Variants in ZFYVE28 observed in about 807,000 individuals in gnomAD.
ZFYVE28 encodes lateral signaling target protein 2 homolog.
Under a neutral mutation model 82.1 loss-of-function variants are expected in ZFYVE28, and 40 were observed. That is an observed-to-expected ratio of 0.49 (90% CI 0.38 to 0.63). ZFYVE28 has a LOEUF of 0.63. Ranked by LOEUF, ZFYVE28 falls within the 30% of genes least tolerant of loss-of-function variation. The pLI, the probability that ZFYVE28 is intolerant of heterozygous loss-of-function variation, is 0.00. For missense variants in ZFYVE28, 1,321 were observed against 1,242.1 expected (o/e 1.06, Z -0.96); for synonymous variants, 612 against 546.1 (o/e 1.12, Z -1.68).
intron 1 of ZFYVE28, among the ~76,000 whole-genome samples, chr4:2,359,314 C>T (rs986329819): frequency 6.6e-6 from 1 of 151,960 alleles, no homozygotes; most frequent in Non-Finnish European, 1.5e-5. Context: ...TTTGTAGAGA[C>T]GGGGTCTTGC....
At chr4:2,297,976 G>C (rs985375722) in intron 8 of ZFYVE28, among the ~76,000 whole-genome samples, 3 of 149,540 alleles carry the variant, frequency 2.0e-5, no homozygotes, top group East Asian at 2.0e-4. Flanking sequence ...CGGTGACACA[G>C]TGACACGGCA....
intron 7 of ZFYVE28, among the ~76,000 whole-genome samples, chr4:2,315,345 G>T (rs1718049956): frequency 6.6e-6 from 1 of 152,146 alleles, no homozygotes; most frequent in Non-Finnish European, 1.5e-5. Flanking sequence ...GAAAGCGGTG[G>T]CGTGATCTCT....
At chr4:2,322,907 G>A (rs75537369) in intron 6 of ZFYVE28, among the ~76,000 whole-genome samples, 2,032 of 152,286 alleles carry the variant, frequency 0.013, 50 homozygotes, top group African/African-American at 0.046. Flanking sequence ...GCTGTGGCAC[G>A]TGGCGAATGT....
intron 1 of ZFYVE28, among the ~76,000 whole-genome samples, chr4:2,384,653 G>T (rs56009437): frequency 0.035 from 5,262 of 152,272 alleles, 309 homozygotes; most frequent in African/African-American, 0.12. Context: ...AGGTAGGTGG[G>T]GAGGGAAACA....
chr4:2,347,519 T>C (rs1008413370), intron 2 of ZFYVE28, among the ~76,000 whole-genome samples: 7 of 152,124 alleles, frequency 4.6e-5, no homozygotes, highest in Non-Finnish European at 1.0e-4. Flanking sequence ...TTCTGGGCCA[T>C]GAAACAAGCC....
intron 6 of ZFYVE28, chr4:2,330,451 A>T: frequency 9.4e-7 from 1 of 1,066,952 alleles, no homozygotes; most frequent in Non-Finnish European, 1.1e-6. Context: ...GACAGCACGG[A>T]GGAGGGAACA....
chr4:2,372,263 A>G lies in ZFYVE28; in HGVS notation c.40-18190T>C, dbSNP rs1727643671. Reference sequence around the variant, plus strand: ...GGTGGCGGGGCTGAGTCTGGTTCCGAGAAGGACTCGTGAGGGGGTAGGAAT... The same window carrying G: ...GGTGGCGGGGCTGAGTCTGGTTCCGGGAAGGACTCGTGAGGGGGTAGGAAT... On this transcript the variant is annotated intron_variant, in intron 1 of 12. Coordinates refer to ENST00000290974, the MANE Select transcript of ZFYVE28 (RefSeq NM_020972.3). The surrounding 1 kb of genome is among the most constrained non-coding windows in gnomAD (Gnocchi z 5.2). Among the ~76,000 whole-genome samples, 1 of 152,034 alleles carries G rather than the reference A, an allele frequency of 6.6e-6. No homozygotes were observed. The highest frequency in any genetic ancestry group is 1.5e-5 in the Non-Finnish European group (1 of 67,984).
chr4:2,270,650 G>GACCTGCC lies in ZFYVE28; in HGVS notation c.*68_*74dup. 4 of 1,596,152 alleles carry GACCTGCC rather than the reference G, an allele frequency of 2.5e-6. No homozygotes were observed. The Admixed American group carries it at 6.9e-5, about 27-fold the overall frequency. On this transcript the variant is annotated 3_prime_UTR_variant, in exon 13 of 13. Coordinates refer to ENST00000290974, the MANE Select transcript of ZFYVE28 (RefSeq NM_020972.3). Reference sequence around the variant, plus strand: ...GCAGCGGCCTCATGAGACGCAGTGAGACCTGCCTGCAGCGTGGCCCCACCT... The same window carrying GACCTGCC: ...GCAGCGGCCTCATGAGACGCAGTGAGACCTGCCACCTGCCTGCAGCGTGGCCCCACCT...
rs1716426705 is a variant in ZFYVE28, at chr4:2,305,455, G to A, written c.885C>T (p.Pro295=). Residue 295 remains proline, a synonymous_variant, in exon 8 of 13, where the codon CCC becomes CCT. Coordinates refer to ENST00000290974, the MANE Select transcript of ZFYVE28 (RefSeq NM_020972.3). ...NLCISQDVEF[P]IRADVQGPAA... ...CGGGTCCCTGCACGTCTGCGCGGAT[G>A]GGGAACTCCACGTCTTGGGAAATGC... is the stretch of plus-strand genomic sequence containing the variant. 6.2e-7 allele frequency: 1 copy of A among 1,612,970 alleles called. No homozygotes were observed. The highest frequency in any genetic ancestry group is 8.5e-7 in the Non-Finnish European group (1 of 1,180,024).
rs952361043 is a variant in ZFYVE28, at chr4:2,305,596, C to G, written c.804-60G>C. The stretch of plus-strand genomic sequence containing the variant: ...CCAAAAGCCACACCAGCCTCCTTGG[C>G]CAGGAGTGGACGCAGCACCCTGGAG... On this transcript the variant is annotated intron_variant, in intron 7 of 12. Transcript: ENST00000290974. 2.5e-6 allele frequency: 4 copies of G among 1,600,116 alleles called. No individual in the cohort carries two copies. In the African/African-American group the frequency reaches 5.4e-5, roughly 21 times the overall value.
At chr4:2,338,512 G>C (rs1232537839) in intron 4 of ZFYVE28, among the ~76,000 whole-genome samples, 5 of 152,210 alleles carry the variant, frequency 3.3e-5, no homozygotes, top group Non-Finnish European at 7.3e-5. Flanking sequence ...AGAATGGCTT[G>C]AACTCAGGAG....
At chr4:2,279,589 C>A (rs540211215) in intron 8 of ZFYVE28, among the ~76,000 whole-genome samples, 1 of 152,188 alleles carries the variant, frequency 6.6e-6, no homozygotes, top group African/African-American at 2.4e-5. Context: ...ACCATCCTGG[C>A]TAACACGATG....
intron 8 of ZFYVE28, among the ~76,000 whole-genome samples, chr4:2,303,449 A>G (rs1322910405): frequency 1.3e-5 from 2 of 152,070 alleles, no homozygotes; most frequent in African/African-American, 4.8e-5. Flanking sequence ...TCTCCAGTTG[A>G]ACCTCGTCCC....
chr4:2,311,601 T>C (rs1717481733), intron 7 of ZFYVE28, among the ~76,000 whole-genome samples: 1 of 152,242 alleles, frequency 6.6e-6, no homozygotes, highest in South Asian at 2.1e-4. Flanking sequence ...TTGACATCTG[T>C]TCTTATTTTT....
rs1243974805 is a variant in ZFYVE28, at chr4:2,310,967, T to C, written c.804-5431A>G. 2.0e-5 allele frequency among the ~76,000 whole-genome samples: 3 copies of C among 152,246 alleles called. 1 individual carries two copies. The highest frequency in any genetic ancestry group is 2.0e-4 in the Admixed American group (3 of 15,284). On this transcript the variant is annotated intron_variant, in intron 7 of 12. Transcript: ENST00000290974. ...AAGGTTTTAAAATAATGAATTCAAC[T>C]TCTTTAATAGATATTGGATTAAAAG...
chr4:2,380,339 G>C (rs1728602585), intron 1 of ZFYVE28, among the ~76,000 whole-genome samples: 1 of 152,176 alleles, frequency 6.6e-6, no homozygotes, highest in East Asian at 1.9e-4. Flanking sequence ...TGCTCTCATG[G>C]CTGAGTTAGC....
chr4:2,396,511 C>A (rs1730473635), intron 1 of ZFYVE28, among the ~76,000 whole-genome samples: 1 of 10,366 alleles, frequency 9.6e-5, no homozygotes, highest in Non-Finnish European at 1.4e-4. Context: ...ACCAGCCATC[C>A]TGCAGAGGGG....
rs753301699 is a variant in ZFYVE28, at chr4:2,305,254, C to A, written c.1086G>T (p.Pro362=). 9 of 1,612,486 alleles carry A rather than the reference C, an allele frequency of 5.6e-6. No homozygotes were observed. The highest frequency in any genetic ancestry group is 3.3e-5 in the Admixed American group (2 of 59,996). Residue 362 remains proline, a synonymous_variant, in exon 8 of 13, where the codon CCG becomes CCT. Coordinates refer to ENST00000290974, the MANE Select transcript of ZFYVE28 (RefSeq NM_020972.3). ...AGDEMSSLLS[P]PIACQSPAHR... ...GAGCTGGGGACTGGCAGGCAATGGG[C>A]GGTGAAAGCAAAGAGGACATCTCGT...
intron 8 of ZFYVE28, among the ~76,000 whole-genome samples, chr4:2,291,388 C>A (rs1361757640): frequency 6.6e-6 from 1 of 152,144 alleles, no homozygotes; most frequent in Non-Finnish European, 1.5e-5. Context: ...GTGGCTGGCA[C>A]CTTCTCACCT....
Sources: allele counts gnomAD v4.1 joint callset (sites outside exome capture counted in the v4.1 genomes callset), GRCh38; gene constraint gnomAD v4.1.1; non-coding constraint Gnocchi (gnomAD v3.1); transcripts MANE v1.5; gene names NCBI Gene and HGNC (gene_info 2026-07-23, HGNC 2026-07-21).